The following GRM5 variants were observed in gnomAD, a reference collection of about 807,000 sequenced individuals.
GRM5 encodes glutamate metabotropic receptor 5.
Under a neutral mutation model 83.1 loss-of-function variants are expected in GRM5, and 19 were observed. The observed-to-expected ratio is 0.23, with a 90% CI of 0.16 to 0.34. The LOEUF (loss-of-function observed/expected upper bound fraction) is 0.34. Ranked by LOEUF, GRM5 falls within the 10% of genes least tolerant of loss-of-function variation. The pLI is 1.00. For synonymous variants in GRM5, 675 were observed against 633.6 expected, an observed-to-expected ratio of 1.07 and a Z score of -0.98; for missense variants, 1,160 against 1,588.3, an observed-to-expected ratio of 0.73 and a Z score of 4.58.
chr11:88,574,314 C>T (rs1220158075), intron 7 of GRM5, among the ~76,000 whole-genome samples: 1 of 152,068 alleles, frequency 6.6e-6, no homozygotes, highest in Non-Finnish European at 1.5e-5. Flanking sequence ...CTTTAGAAGT[C>T]CCAAGTTACA....
At chr11:88,760,871 G>A (rs76371076) in intron 3 of GRM5, among the ~76,000 whole-genome samples, 1 of 152,074 alleles carries the variant, frequency 6.6e-6, no homozygotes, top group Non-Finnish European at 1.5e-5. Context: ...GATCAAGTAG[G>A]CGTTATCTCT....
chr11:88,817,212 A>T (rs531950889), intron 3 of GRM5, among the ~76,000 whole-genome samples: 1 of 152,292 alleles, frequency 6.6e-6, no homozygotes, highest in East Asian at 1.9e-4. Flanking sequence ...GTAGAAACAC[A>T]TATGGATATT....
chr11:88,909,026 C>A (rs1945450748), intron 2 of GRM5, among the ~76,000 whole-genome samples: 1 of 152,052 alleles, frequency 6.6e-6, no homozygotes, highest in Admixed American at 6.6e-5. Context: ...AGGCCGAAGT[C>A]CTTTCTTGGA....
intron 3 of GRM5, among the ~76,000 whole-genome samples, chr11:88,723,268 C>T (rs1242416754): frequency 1.3e-5 from 2 of 151,724 alleles, no homozygotes; most frequent in African/African-American, 4.8e-5. Context: ...ACAGTTTATA[C>T]CATTCACCCA....
rs1468062268 is a variant in GRM5, at chr11:89,044,935, T to C, written c.661+2277A>G. On this transcript the variant is annotated intron_variant, in intron 2 of 9. Transcript: ENST00000305447. The stretch of plus-strand genomic sequence containing the variant: ...TGTTTGACTCTCACTTTTCTGATCC[T>C]GGAGGTGAGTTTCACCTTGTGAAAA... Among the ~76,000 whole-genome samples, 10 of 152,164 alleles carry C rather than the reference T, an allele frequency of 6.6e-5. 1 individual carries two copies. Among genetic ancestry groups the C allele is most frequent in the African/African-American group, 2.4e-4 (10 of 41,522 alleles).
At chr11:88,519,537 A>C (rs1472051051) in intron 9 of GRM5, among the ~76,000 whole-genome samples, 1 of 152,146 alleles carries the variant, frequency 6.6e-6, no homozygotes, top group South Asian at 2.1e-4. Context: ...TTAAGTGAGC[A>C]ATCATGCAGA....
chr11:88,783,232 A>C (rs1309933888), intron 3 of GRM5, among the ~76,000 whole-genome samples: 1 of 152,168 alleles, frequency 6.6e-6, no homozygotes, highest in African/African-American at 2.4e-5. Flanking sequence ...AATCAAACTC[A>C]ACATAAAGGA....
intron 3 of GRM5, among the ~76,000 whole-genome samples, chr11:88,744,455 C>T (rs1942091514): frequency 6.6e-6 from 1 of 152,062 alleles, no homozygotes. Flanking sequence ...TATTTTATAG[C>T]TTTTGCAACT....
intron 2 of GRM5, among the ~76,000 whole-genome samples, chr11:88,963,113 C>CA (rs1265294572): frequency 6.6e-6 from 1 of 151,590 alleles, no homozygotes; most frequent in Non-Finnish European, 1.5e-5. Flanking sequence ...AACAAACAAA[C>CA]AAAAAAAACT....
rs60588897 is a variant in GRM5 at position 89,052,525 on chromosome 11, G to A, written c.-200-4453C>T. ...TCACATGGAAGATACTATATTCCAT[G>A]TACATTCTATACACTGAAGATTTCT... On this transcript the variant is annotated intron_variant, in intron 1 of 9. Transcript: ENST00000305447. Among the ~76,000 whole-genome samples, 1,716 of 152,214 alleles carry A rather than the reference G, an allele frequency of 0.011. 85 individuals are homozygous for A. In the East Asian group the frequency reaches 0.13, roughly 12 times the overall value.
intron 3 of GRM5, among the ~76,000 whole-genome samples, chr11:88,822,051 T>C (rs1405377214): frequency 2.0e-5 from 3 of 152,192 alleles, no homozygotes; most frequent in Non-Finnish European, 2.9e-5. Flanking sequence ...GATGATTACT[T>C]TCCCAGATTA....
At chr11:88,571,976 G>T (rs1565344020) in intron 7 of GRM5, among the ~76,000 whole-genome samples, 1 of 152,150 alleles carries the variant, frequency 6.6e-6, no homozygotes, top group Non-Finnish European at 1.5e-5. Flanking sequence ...TTCAGAACTG[G>T]AATTGAAAGA....
At chr11:88,630,654 C>T (rs1436143910) in intron 4 of GRM5, among the ~76,000 whole-genome samples, 1 of 151,866 alleles carries the variant, frequency 6.6e-6, no homozygotes, top group Non-Finnish European at 1.5e-5. Context: ...TCTTGGCTCA[C>T]TGCAACCTCT....
chr11:88,884,230 G>A (rs1945006106), intron 2 of GRM5, among the ~76,000 whole-genome samples: 2 of 152,200 alleles, frequency 1.3e-5, no homozygotes, highest in African/African-American at 4.8e-5. Context: ...CCCACCTCTT[G>A]CATCAGCATG....
intron 3 of GRM5, among the ~76,000 whole-genome samples, chr11:88,793,597 T>C (rs1339860195): frequency 1.3e-5 from 2 of 152,156 alleles, no homozygotes; most frequent in Non-Finnish European, 2.9e-5. Context: ...ATTCCTAATG[T>C]GGATATAAAA....
intron 2 of GRM5, among the ~76,000 whole-genome samples, chr11:88,970,468 C>A (rs1348190192): frequency 6.6e-6 from 1 of 152,188 alleles, no homozygotes; most frequent in Non-Finnish European, 1.5e-5. Flanking sequence ...GTGGTTAAAA[C>A]ATCATCATTT....
chr11:88,574,437 T>C (rs2135183232), intron 7 of GRM5, among the ~76,000 whole-genome samples: 1 of 152,226 alleles, frequency 6.6e-6, no homozygotes, highest in South Asian at 2.1e-4. Flanking sequence ...GCTCAAAAAC[T>C]TACTTCTGCC....
chr11:88,738,881 C>G (rs915750866), intron 3 of GRM5, among the ~76,000 whole-genome samples: 1 of 152,078 alleles, frequency 6.6e-6, no homozygotes, highest in South Asian at 2.1e-4. Flanking sequence ...TTGAAATCAA[C>G]TGCTCTTGGC....
At chr11:88,571,735 C>A (rs937545713) in intron 7 of GRM5, among the ~76,000 whole-genome samples, 1 of 152,122 alleles carries the variant, frequency 6.6e-6, no homozygotes, top group African/African-American at 2.4e-5. Flanking sequence ...TATATGATAA[C>A]TCCAAGATGT....
Sources: gnomAD v4.1 joint callset for allele counts (sites outside exome capture counted in the v4.1 genomes callset) on GRCh38, gnomAD v4.1.1 for gene constraint, MANE v1.5 for transcripts, NCBI Gene and HGNC (gene_info 2026-07-23, HGNC 2026-07-21) for gene names.